Variants in RAB6C observed in about 807,000 individuals in gnomAD.
RAB6C encodes the protein RAB6C, member RAS oncogene family.
Under a neutral mutation model 17.2 loss-of-function variants are expected in RAB6C, and 8 were observed. The observed-to-expected ratio is 0.46, with a 90% confidence interval of 0.27 to 0.84. The LOEUF is 0.84. Ranked by LOEUF, RAB6C falls within the 40% of genes least tolerant of loss-of-function variation. RAB6C has a pLI of 0.13. For synonymous variants in RAB6C, 78 were observed against 118.9 expected (o/e 0.66, Z 2.24); for missense variants, 151 against 306.5 (o/e 0.49, Z 3.79).
rs769879586 is a variant in RAB6C at position 129,980,422 on chromosome 2, C to G, written c.307C>G (p.Gln103Glu). 73 of 1,613,484 alleles carry G rather than the reference C, an allele frequency of 4.5e-5. No individual in the cohort carries two copies. Among genetic ancestry groups the G allele is most frequent in the Non-Finnish European group, 6.0e-5 (71 of 1,179,996 alleles). Residue 103 changes from glutamine (Q) to glutamate (E), a missense_variant, in exon 1 of 1, where the codon CAA becomes GAA. Physicochemically the swap from Gln to Glu is conservative, Grantham distance 29. Transcript: ENST00000410061. ...YDITNVNSFQ[Q>E]TTKWIDDVRT... is the part of the protein sequence containing the mutation. ...TATCACAAATGTTAACTCATTCCAGCAAACTACAAAGTGGATTGATGATGT... is the reference window on the plus strand; with the variant it reads ...TATCACAAATGTTAACTCATTCCAGGAAACTACAAAGTGGATTGATGATGT...
At position 129,982,618 on chromosome 2, in the gene RAB6C, C is replaced by T. The variant is rs1293615819; in HGVS notation, c.*1738C>T. ...TTAGCCCACATACCAGTAACTTATA[C>T]TTAAAGATGGGATGGAGTTATAAAG... is the stretch of plus-strand genomic sequence containing the variant. On this transcript the variant is annotated 3_prime_UTR_variant, in exon 1 of 1. Coordinates refer to ENST00000410061, the MANE Select transcript of RAB6C (RefSeq NM_032144.3). 6.0e-6 allele frequency: 1 copy of T among 167,072 alleles called. No individual in the cohort carries two copies. The highest frequency in any genetic ancestry group is 6.5e-5 in the Admixed American group (1 of 15,286). The allele number at this position is 167,072 out of a possible 1,614,324, so 10.3% of individuals were successfully genotyped here.
Position 129,980,038 on chromosome 2 carries a change from T to G in RAB6C, c.-78T>G, listed in dbSNP as rs1330408536. ...CTCGGCGCCCGCCCTTCCGCTCGCC[T>G]TTTTCGTCAGCCGGCTGGAGGAGCA... On this transcript the variant is annotated 5_prime_UTR_variant, in exon 1 of 1. Transcript: ENST00000410061. 1 of 1,606,032 alleles carries G rather than the reference T, an allele frequency of 6.2e-7. No individual in the cohort carries two copies. The highest frequency in any genetic ancestry group is 8.5e-7 in the Non-Finnish European group (1 of 1,175,856).
At position 129,981,851 on chromosome 2, in the gene RAB6C, C is replaced by A. The variant is rs566396645; in HGVS notation, c.*971C>A. The A allele has an allele frequency of 6.3e-5, 10 of 158,144 alleles. No homozygotes were observed. Among genetic ancestry groups the A allele is most frequent in the African/African-American group, 2.7e-4 (10 of 37,004 alleles). The allele number at this position is 158,144 out of a possible 1,614,324, so 9.8% of individuals were successfully genotyped here. ...TCAGCAGAATAGCAAAAACTTTGCTCAGGACATTTGAGGTCAAATTGAAGA... is the reference window on the plus strand; with the variant it reads ...TCAGCAGAATAGCAAAAACTTTGCTAAGGACATTTGAGGTCAAATTGAAGA... On this transcript the variant is annotated 3_prime_UTR_variant, in exon 1 of 1. Coordinates refer to ENST00000410061, the MANE Select transcript of RAB6C (RefSeq NM_032144.3).
rs1681765790 is a variant in RAB6C at position 129,981,647 on chromosome 2, T to G, written c.*767T>G. On this transcript the variant is annotated 3_prime_UTR_variant, in exon 1 of 1. Coordinates refer to ENST00000410061, the MANE Select transcript of RAB6C (RefSeq NM_032144.3). ...TTGTTTAAAAAGTAAGAAACCTCTG[T>G]AAGCAATAGATTTTGCTTGGGTTTT... 6.0e-6 allele frequency: 1 copy of G among 167,142 alleles called. No individual in the cohort carries two copies. The highest frequency in any genetic ancestry group is 2.1e-4 in the South Asian group (1 of 4,838). 10.4% of individuals were successfully genotyped at this position (167,142 alleles called of 1,614,324 possible).
chr2:129,982,107 A>G lies in RAB6C; in HGVS notation c.*1227A>G, dbSNP rs1041357600. 46 of 163,492 alleles carry G rather than the reference A, an allele frequency of 2.8e-4. No individual in the cohort carries two copies. The highest frequency in any genetic ancestry group is 1.1e-3 in the African/African-American group (44 of 40,652). The allele number at this position is 163,492 out of a possible 1,614,324, so 10.1% of individuals were successfully genotyped here. A position where few individuals can be genotyped will look rare whatever the true frequency, so the allele number is the denominator to read the frequency against. On this transcript the variant is annotated 3_prime_UTR_variant, in exon 1 of 1. Transcript: ENST00000410061. ...GATTTAGTTTTATATTTAAGCTACG[A>G]TTAATATTTTTTCTTTGGCGATATT...
rs1430648958 is a variant in RAB6C at position 129,979,737 on chromosome 2, A to G, written c.-379A>G. 4.1e-5 allele frequency: 14 copies of G among 340,918 alleles called. No individual in the cohort carries two copies. In the East Asian group the frequency reaches 5.6e-4, roughly 14 times the overall value. The allele number at this position is 340,918 out of a possible 1,614,324, so 21.1% of individuals were successfully genotyped here. ...GCCGCGCGTGAGAGATCCCGGATACATCTGCGGTTTGGGCTCCGCCACCCT... is the reference window on the plus strand; with the variant it reads ...GCCGCGCGTGAGAGATCCCGGATACGTCTGCGGTTTGGGCTCCGCCACCCT... On this transcript the variant is annotated 5_prime_UTR_variant, in exon 1 of 1. Coordinates refer to ENST00000410061, the MANE Select transcript of RAB6C (RefSeq NM_032144.3).
Position 129,982,321 on chromosome 2 carries a change from ATTGT to A in RAB6C, c.*1445_*1448del, listed in dbSNP as rs1487057121. Reference sequence around the variant, plus strand: ...AGCTAATAAACACATTTGTAAATACATTGTTTGCAGGAAGAAAACTTCGAGTTAC... The same window carrying A: ...AGCTAATAAACACATTTGTAAATACATTGCAGGAAGAAAACTTCGAGTTAC... On this transcript the variant is annotated 3_prime_UTR_variant, in exon 1 of 1. Coordinates refer to ENST00000410061, the MANE Select transcript of RAB6C (RefSeq NM_032144.3). The A allele has an allele frequency of 1.8e-5, 3 of 167,084 alleles. No homozygotes were observed. The highest frequency in any genetic ancestry group is 4.4e-5 in the Non-Finnish European group (3 of 68,118). The allele number at this position is 167,084 out of a possible 1,614,324, so 10.4% of individuals were successfully genotyped here. A position where few individuals can be genotyped will look rare whatever the true frequency, so the allele number is the denominator to read the frequency against.
At position 129,982,491 on chromosome 2, in the gene RAB6C, C is replaced by T. The variant is rs1300530688; in HGVS notation, c.*1611C>T. The T allele has an allele frequency of 1.8e-5, 3 of 167,136 alleles. No individual in the cohort carries two copies. The highest frequency in any genetic ancestry group is 1.3e-4 in the Admixed American group (2 of 15,292). The allele number at this position is 167,136 out of a possible 1,614,324, so 10.4% of individuals were successfully genotyped here. A position where few individuals can be genotyped will look rare whatever the true frequency, so the allele number is the denominator to read the frequency against. ...TAAACTGGGAGAACCTTAGTCCCCTCTCTTTCCTCTTCCTCCTCCACTTCC... is the reference window on the plus strand; with the variant it reads ...TAAACTGGGAGAACCTTAGTCCCCTTTCTTTCCTCTTCCTCCTCCACTTCC... On this transcript the variant is annotated 3_prime_UTR_variant, in exon 1 of 1. Transcript: ENST00000410061.
rs1366801660 is a variant in RAB6C at position 129,980,610 on chromosome 2, G to A, written c.495G>A (p.Gln165=). ...TRAKAGYNVK[Q]LFRRVAAALP... is the part of the protein sequence containing the mutation. ...CAAAAGCTGGATACAATGTAAAGCA[G>A]CTCTTTCGACGTGTAGCAGCAGCTT... Residue 165 remains glutamine, a synonymous_variant, in exon 1 of 1, where the codon CAG becomes CAA. Transcript: ENST00000410061. The A allele has an allele frequency of 1.2e-6, 2 of 1,613,176 alleles. No homozygotes were observed. Among genetic ancestry groups the A allele is most frequent in the East Asian group, 4.5e-5 (2 of 44,848 alleles).
rs1272016909 is a variant in RAB6C at position 129,979,790 on chromosome 2, C to G, written c.-326C>G. The G allele has an allele frequency of 2.2e-6, 1 of 461,382 alleles. No individual in the cohort carries two copies. Among genetic ancestry groups the G allele is most frequent in the South Asian group, 3.1e-5 (1 of 31,998 alleles). 28.6% of individuals were successfully genotyped at this position (461,382 alleles called of 1,614,324 possible). ...GTCTCTCTCCCGCAGGTCTCTGAGC[C>G]GGGTGCGGAAGGAGGGAACGGCCCT... is the stretch of plus-strand genomic sequence containing the variant. On this transcript the variant is annotated 5_prime_UTR_variant, in exon 1 of 1. Coordinates refer to ENST00000410061, the MANE Select transcript of RAB6C (RefSeq NM_032144.3).
rs1442637879 is a variant in RAB6C at position 129,980,177 on chromosome 2, AG to A, written c.63del (p.Glu21AspfsTer9). On this transcript the variant is annotated frameshift_variant, in exon 1 of 1. Transcript: ENST00000410061. LOFTEE classifies it high-confidence loss of function. ...AAATTCAAGCTGGTGTTCCTGGGGG[AG>A]CAAAGCGTTGCAAAGACATCTTTGA... ...LRKFKLVFLGEQSVAKTSLIT... is the reference protein window; with the variant it reads ...LRKFKLVFLGXQSVAKTSLIT... 6.2e-7 allele frequency: 1 copy of A among 1,604,722 alleles called. No individual in the cohort carries two copies. Among genetic ancestry groups the A allele is most frequent in the East Asian group, 2.2e-5 (1 of 44,624 alleles).
At position 129,980,142 on chromosome 2, in the gene RAB6C, T is replaced by C; in HGVS notation, c.27T>C (p.Asn9=). MSAGGDFG[N]PLRKFKLVFL... ...TGTCCGCGGGCGGAGACTTCGGGAA[T>C]CCGCTGAGGAAATTCAAGCTGGTGT... The change falls in exon 1 of 1, where the codon AAT becomes AAC. Residue 9 remains asparagine (N), a synonymous_variant. Transcript: ENST00000410061. 1 of 1,592,088 alleles carries C rather than the reference T, an allele frequency of 6.3e-7. No individual in the cohort carries two copies.
rs766659282 is a variant in RAB6C at position 129,980,368 on chromosome 2, G to T, written c.253G>T (p.Asp85Tyr). The T allele has an allele frequency of 5.6e-6, 9 of 1,612,256 alleles. No homozygotes were observed. In the African/African-American group the frequency reaches 1.2e-4, roughly 22 times the overall value. Residue 85 changes from aspartate to tyrosine, a missense_variant, in exon 1 of 1, where the codon GAT becomes TAT. Asp to Tyr is a radical substitution (Grantham distance 160). Coordinates refer to ENST00000410061, the MANE Select transcript of RAB6C (RefSeq NM_032144.3). ...TAGCCTCATTCCCAGGTACATCCGT[G>T]ATTCTGCTGCAGCTGTAGTAGTTTA... ...LRSLIPRYIR[D>Y]SAAAVVVYDI...
rs2104959078 is a variant in RAB6C, at chr2:129,981,668, G to T, written c.*788G>T. On this transcript the variant is annotated 3_prime_UTR_variant, in exon 1 of 1. Transcript: ENST00000410061. ...TCTGTAAGCAATAGATTTTGCTTGG[G>T]TTTTCTTTCTTAAAAAAATAATACT... 1 of 167,080 alleles carries T rather than the reference G, an allele frequency of 6.0e-6. No homozygotes were observed. The highest frequency in any genetic ancestry group is 1.9e-4 in the East Asian group (1 of 5,186). 10.3% of individuals were successfully genotyped at this position (167,080 alleles called of 1,614,324 possible).
Position 129,981,063 on chromosome 2 carries a change from G to A in RAB6C, c.*183G>A, listed in dbSNP as rs1681755584. On this transcript the variant is annotated 3_prime_UTR_variant, in exon 1 of 1. Transcript: ENST00000410061. The stretch of plus-strand genomic sequence containing the variant: ...AATGATGGAAATCTCAACAGTATGA[G>A]TATGGCTTGGTTAACGAGCAGTATG... 3.3e-6 allele frequency: 2 copies of A among 606,902 alleles called. No homozygotes were observed. Among genetic ancestry groups the A allele is most frequent in the East Asian group, 2.8e-5 (1 of 35,536 alleles). The allele number at this position is 606,902 out of a possible 1,614,324, so 37.6% of individuals were successfully genotyped here. A position where few individuals can be genotyped will look rare whatever the true frequency, so the allele number is the denominator to read the frequency against.
At position 129,980,044 on chromosome 2, in the gene RAB6C, G is replaced by T; in HGVS notation, c.-72G>T. The T allele has an allele frequency of 6.2e-7, 1 of 1,608,504 alleles. No individual in the cohort carries two copies. Among genetic ancestry groups the T allele is most frequent in the East Asian group, 2.2e-5 (1 of 44,774 alleles). On this transcript the variant is annotated 5_prime_UTR_variant, in exon 1 of 1. Transcript: ENST00000410061. The stretch of plus-strand genomic sequence containing the variant: ...GCCCGCCCTTCCGCTCGCCTTTTTC[G>T]TCAGCCGGCTGGAGGAGCATCGGTC...
rs1473902479 is a variant in RAB6C at position 129,979,941 on chromosome 2, C to A, written c.-175C>A. ...GGCGGCGGCGGCTGCCAGTCTGTGG[C>A]GAGCCCTGCTGCCCTCCAGCCGGGC... On this transcript the variant is annotated 5_prime_UTR_variant, in exon 1 of 1. Transcript: ENST00000410061. 4,163 of 1,178,846 alleles carry A rather than the reference C, an allele frequency of 3.5e-3. No homozygotes were observed. Among genetic ancestry groups the A allele is most frequent in the Non-Finnish European group, 4.2e-3 (3,621 of 852,306 alleles). The allele number at this position is 1,178,846 out of a possible 1,614,324, so 73.0% of individuals were successfully genotyped here.
chr2:129,980,640 G>A lies in RAB6C; in HGVS notation c.525G>A (p.Pro175=), dbSNP rs757191222. The A allele has an allele frequency of 3.1e-6, 5 of 1,612,440 alleles. No individual in the cohort carries two copies. Among genetic ancestry groups the A allele is most frequent in the South Asian group, 1.1e-5 (1 of 90,964 alleles). Residue 175 remains proline, a synonymous_variant, in exon 1 of 1, where the codon CCG becomes CCA. Transcript: ENST00000410061. ...QLFRRVAAAL[P]GMESTQDGSR... is the part of the protein sequence containing the mutation. ...TTCGACGTGTAGCAGCAGCTTTGCC[G>A]GGAATGGAAAGCACACAGGACGGAA...
In RAB6C at chr2:129,979,924, C is replaced by G. The variant is rs1247653846; in HGVS notation, c.-192C>G. On this transcript the variant is annotated 5_prime_UTR_variant, in exon 1 of 1. Coordinates refer to ENST00000410061, the MANE Select transcript of RAB6C (RefSeq NM_032144.3). ...CGGCTACTCTGCCGGGAGGCGGCGG[C>G]GGCTGCCAGTCTGTGGCGAGCCCTG... 9 of 1,024,418 alleles carry G rather than the reference C, an allele frequency of 8.8e-6. No individual in the cohort carries two copies. In the South Asian group the frequency reaches 1.0e-4, roughly 12 times the overall value. 63.5% of individuals were successfully genotyped at this position (1,024,418 alleles called of 1,614,324 possible). A position where few individuals can be genotyped will look rare whatever the true frequency, so the allele number is the denominator to read the frequency against.
Sources: gnomAD v4.1 joint callset for allele counts on GRCh38, gnomAD v4.1.1 for gene constraint, MANE v1.5 for transcripts, NCBI Gene and HGNC (gene_info 2026-07-23, HGNC 2026-07-21) for gene names.